COL24A1: variants seen among roughly 807,000 people sequenced by gnomAD.
COL24A1 encodes the protein collagen type XXIV alpha 1 chain.
Under a neutral mutation model 253.9 loss-of-function variants are expected in COL24A1, and 224 were observed. The ratio of observed to expected loss-of-function variants is 0.88; its 90% CI spans 0.79 to 0.99. The LOEUF (loss-of-function observed/expected upper bound fraction) is 0.99. Among genes scored for constraint, COL24A1 ranks in the 50% least tolerant of loss-of-function variants. The pLI, the probability that COL24A1 is intolerant of heterozygous loss-of-function variation, is 0.00. For synonymous variants in COL24A1, 685 were observed against 673.7 expected, an observed-to-expected ratio of 1.02 and a Z score of -0.26; for missense variants, 2,131 against 2,068.5, an observed-to-expected ratio of 1.03 and a Z score of -0.59.
At chr1:85,920,280 G>T (rs1558655389) in intron 24 of COL24A1, among the ~76,000 whole-genome samples, 1 of 152,194 alleles carries the variant, frequency 6.6e-6, no homozygotes, top group East Asian at 1.9e-4. Flanking sequence ...CTCAGGTATG[G>T]TTACATGTTG....
At chr1:85,934,458 G>A (rs1180102623) in intron 24 of COL24A1, among the ~76,000 whole-genome samples, 1 of 151,984 alleles carries the variant, frequency 6.6e-6, no homozygotes, top group African/African-American at 2.4e-5. Flanking sequence ...ACACTTCTTT[G>A]TGAACACTCT....
chr1:85,950,000 T>C (rs1242001898), intron 24 of COL24A1, among the ~76,000 whole-genome samples: 1 of 152,136 alleles, frequency 6.6e-6, no homozygotes, highest in Non-Finnish European at 1.5e-5. Context: ...TTCTGTTACC[T>C]AGAGTGATGC....
chr1:86,017,035 A>T, intron 19 of COL24A1, 116 bp downstream of exon 19: 1 of 952,268 alleles, frequency 1.1e-6, no homozygotes. Flanking sequence ...ATTTACGGAG[A>T]TCTAAACTTT....
intron 12 of COL24A1, among the ~76,000 whole-genome samples, chr1:86,043,309 G>C (rs991793165): frequency 6.6e-6 from 1 of 151,348 alleles, no homozygotes; most frequent in South Asian, 2.1e-4. Flanking sequence ...AAAACATATC[G>C]TGTACCTAAT....
At chr1:85,800,595 G>C (rs1671325645) in intron 47 of COL24A1, among the ~76,000 whole-genome samples, 1 of 152,078 alleles carries the variant, frequency 6.6e-6, no homozygotes, top group Non-Finnish European at 1.5e-5. Flanking sequence ...CAGAATTAAA[G>C]TGATGTCAGG....
chr1:85,785,762 TAG>T (rs1393093886), intron 48 of COL24A1, among the ~76,000 whole-genome samples: 1 of 152,230 alleles, frequency 6.6e-6, no homozygotes, highest in Non-Finnish European at 1.5e-5. Flanking sequence ...GCCAATGTCT[TAG>T]TCTTAGGCTT....
rs145440795 is a variant in COL24A1 at position 86,114,205 on chromosome 1, A to G, written c.1545+1120T>C. ...ATGAGGTGAAATTAGGAACACAAGT[A>G]AAATAACTAGCCTTGAGCAAAACAC... On this transcript the variant is annotated intron_variant, in intron 4 of 59. Transcript: ENST00000370571. Among the ~76,000 whole-genome samples, 543 of 152,330 alleles carry G rather than the reference A, an allele frequency of 3.6e-3. 2 individuals carry two copies. Among genetic ancestry groups the G allele is most frequent in the Middle Eastern group, 0.01 (3 of 294 alleles).
chr1:85,912,731 C>T (rs1558629089), intron 24 of COL24A1, among the ~76,000 whole-genome samples: 1 of 152,150 alleles, frequency 6.6e-6, no homozygotes. Flanking sequence ...TTTGCTGACA[C>T]AGATGAGGTT....
In COL24A1 at chr1:85,939,013, G is replaced by A. The variant is rs994750413; in HGVS notation, c.2562+22236C>T. On this transcript the variant is annotated intron_variant, in intron 24 of 59. Coordinates refer to ENST00000370571, the MANE Select transcript of COL24A1 (RefSeq NM_152890.7). The stretch of plus-strand genomic sequence containing the variant: ...TGCTTCCTAATAAATACCCTGTAGC[G>A]AAATGCCATCTCAGCAGTTTGCCTC... Among the ~76,000 whole-genome samples, 11 of 151,744 alleles carry A rather than the reference G, an allele frequency of 7.2e-5. No individual in the cohort carries two copies. In the East Asian group the frequency reaches 1.3e-3, roughly 19 times the overall value.
intron 43 of COL24A1, among the ~76,000 whole-genome samples, chr1:85,829,388 A>C (rs531615544): frequency 3.6e-4 from 54 of 150,990 alleles, no homozygotes; most frequent in African/African-American, 1.2e-3. Context: ...GGTGAATCTG[A>C]CAATTATGTG....
Position 85,936,488 on chromosome 1 carries a change from A to G in COL24A1, c.2562+24761T>C, listed in dbSNP as rs927286491. Among the ~76,000 whole-genome samples, 13 of 147,420 alleles carry G rather than the reference A, an allele frequency of 8.8e-5. 1 individual carries two copies. Among genetic ancestry groups the G allele is most frequent in the Non-Finnish European group, 1.2e-4 (8 of 66,628 alleles). On this transcript the variant is annotated intron_variant, in intron 24 of 59. Transcript: ENST00000370571. ...ATGTACTGGTAGGAGAAGGGGGCAT[A>G]TATGTGGATCTGATTGCACAGGTAT...
chr1:85,772,069 G>A (rs575862850), intron 53 of COL24A1, among the ~76,000 whole-genome samples: 1,390 of 136,174 alleles, frequency 0.01, 43 homozygotes, highest in Admixed American at 0.061. Context: ...TTGTTCTTGC[G>A]ATAGTTTACT....
At chr1:86,062,695 T>G (rs1478791286) in intron 8 of COL24A1, among the ~76,000 whole-genome samples, 1 of 152,126 alleles carries the variant, frequency 6.6e-6, no homozygotes. Flanking sequence ...CCTTCTCATC[T>G]TTTTCTCCCA....
intron 32 of COL24A1, among the ~76,000 whole-genome samples, chr1:85,885,397 A>ATATATATTTTTTT (rs60994639): frequency 7.1e-4 from 92 of 128,900 alleles, no homozygotes; most frequent in Admixed American, 1.1e-3. Context: ...ATATATATAT[A>ATATATATTTTTTT]TTTTTTTTTT....
chr1:85,943,545 T>C (rs547897086), intron 24 of COL24A1, among the ~76,000 whole-genome samples: 2 of 152,322 alleles, frequency 1.3e-5, no homozygotes, highest in South Asian at 4.1e-4. Flanking sequence ...TTGTGATAAG[T>C]TAAGTGAATG....
At chr1:85,762,098 A>T (rs920037500) in intron 53 of COL24A1, among the ~76,000 whole-genome samples, 2 of 152,332 alleles carry the variant, frequency 1.3e-5, no homozygotes, top group Admixed American at 1.3e-4. Context: ...GTGTATCGCA[A>T]AATGTCAAAA....
intron 53 of COL24A1, among the ~76,000 whole-genome samples, chr1:85,773,940 T>C (rs534543967): frequency 6.6e-6 from 1 of 152,296 alleles, no homozygotes; most frequent in African/African-American, 2.4e-5. Context: ...GGTATCCTTG[T>C]CTTGTGGCAG....
At chr1:85,919,323 T>A (rs1255372752) in intron 24 of COL24A1, among the ~76,000 whole-genome samples, 1 of 152,244 alleles carries the variant, frequency 6.6e-6, no homozygotes, top group African/African-American at 2.4e-5. Flanking sequence ...GAGAAGCATG[T>A]GGTTTTCTCT....
chr1:85,784,030 A>G, intron 50 of COL24A1, 83 bp downstream of exon 50: 1 of 1,079,886 alleles, frequency 9.3e-7, no homozygotes, highest in Non-Finnish European at 1.3e-6. Context: ...GATTTAAAAA[A>G]GCTCAAGTTA....
Sources: allele counts gnomAD v4.1 joint callset (sites outside exome capture counted in the v4.1 genomes callset), GRCh38; gene constraint gnomAD v4.1.1; transcripts MANE v1.5; gene names NCBI Gene and HGNC (gene_info 2026-07-23, HGNC 2026-07-21).